CDH12: variants seen among roughly 807,000 people sequenced by gnomAD.
CDH12 encodes the protein cadherin 12, also known as cadherin-12.
CDH12 carries 41 observed loss-of-function variants against 74.1 expected under a neutral mutation model. The observed-to-expected ratio is 0.55, with a 90% CI of 0.43 to 0.72. CDH12 has a LOEUF of 0.72. Ranked by LOEUF, CDH12 falls within the 30% of genes least tolerant of loss-of-function variation. CDH12 has a pLI of 0.00. For missense variants in CDH12, 945 were observed against 977.2 expected, an observed-to-expected ratio of 0.97 and a Z score of 0.44; for synonymous variants, 399 against 355.0, an observed-to-expected ratio of 1.12 and a Z score of -1.39.
Position 22,698,122 on chromosome 5 carries a change from C to CTTT in CDH12, c.-523+154933_-523+154935dup, listed in dbSNP as rs10677695. ...CCTTAATGCCCGCATAAAGGCAGGG[C>CTTT]TTTTTTTTTTTTTTTTGAGATGGAG... On this transcript the variant is annotated intron_variant, in intron 1 of 14. Transcript: ENST00000382254. 4.8e-4 allele frequency among the ~76,000 whole-genome samples: 44 copies of CTTT among 91,182 alleles called. 1 individual carries two copies. Among genetic ancestry groups the CTTT allele is most frequent in the African/African-American group, 1.6e-3 (38 of 23,378 alleles). 59.8% of individuals were successfully genotyped at this position (91,182 alleles called of 152,430 possible). A position where few individuals can be genotyped will look rare whatever the true frequency, so the allele number is the denominator to read the frequency against.
Position 21,799,868 on chromosome 5 carries a change from C to A in CDH12, c.1256+2299G>T, listed in dbSNP as rs986791503. 3.3e-5 allele frequency among the ~76,000 whole-genome samples: 5 copies of A among 152,272 alleles called. 1 individual carries two copies. The highest frequency in any genetic ancestry group is 3.3e-4 in the Admixed American group (5 of 15,290). On this transcript the variant is annotated intron_variant, in intron 10 of 14. Coordinates refer to ENST00000382254, the MANE Select transcript of CDH12 (RefSeq NM_004061.5). ...TGACCACTGCACATGAGTGAGGACA[C>A]TGCAGAGAACCACAGCATGGGTGGT...
intron 6 of CDH12, among the ~76,000 whole-genome samples, chr5:21,863,159 T>C (rs6452010): frequency 0.96 from 146,352 of 152,198 alleles, 70,591 homozygotes; most frequent in Non-Finnish European, 1. Context: ...ATGTGCCTTG[T>C]AGATTAGATT....
intron 6 of CDH12, among the ~76,000 whole-genome samples, chr5:21,952,207 G>T (rs1187838346): frequency 6.6e-6 from 1 of 152,132 alleles, no homozygotes. Context: ...ACTCGCAGTT[G>T]AGAGTCCCTG....
intron 1 of CDH12, among the ~76,000 whole-genome samples, chr5:22,828,623 A>G (rs1313093100): frequency 1.3e-5 from 2 of 152,308 alleles, no homozygotes; most frequent in African/African-American, 4.8e-5. Flanking sequence ...AAATATTTAT[A>G]GTGATCATTA....
chr5:21,751,709 C>A lies in CDH12; in HGVS notation c.*28G>T. ...TTTCTTTTTTAAAAATCTCCCCTCT[C>A]GGTTGTATTTTAGCCTCCACGACTC... is the stretch of plus-strand genomic sequence containing the variant. On this transcript the variant is annotated 3_prime_UTR_variant, in exon 15 of 15. Transcript: ENST00000382254. The A allele has an allele frequency of 6.4e-7, 1 of 1,563,804 alleles. No individual in the cohort carries two copies. The highest frequency in any genetic ancestry group is 1.2e-5 in the South Asian group (1 of 83,826).
At chr5:22,321,771 A>G (rs796734333) in intron 3 of CDH12, among the ~76,000 whole-genome samples, 11 of 152,292 alleles carry the variant, frequency 7.2e-5, no homozygotes, top group African/African-American at 2.6e-4. Context: ...GTAATATCTT[A>G]GTGCAGACCT....
chr5:21,794,755 C>T (rs184302058), intron 10 of CDH12, among the ~76,000 whole-genome samples: 384 of 151,610 alleles, frequency 2.5e-3, no homozygotes, highest in African/African-American at 9.0e-3. Flanking sequence ...TAGCAGTTGC[C>T]TTCACTTAGA....
intron 2 of CDH12, among the ~76,000 whole-genome samples, chr5:22,428,579 G>C (rs1744039559): frequency 6.6e-6 from 1 of 152,102 alleles, no homozygotes; most frequent in South Asian, 2.1e-4. Context: ...CAACGACAGT[G>C]ATATAAATAC....
chr5:21,891,057 G>A (rs1752875959), intron 6 of CDH12, among the ~76,000 whole-genome samples: 1 of 152,000 alleles, frequency 6.6e-6, no homozygotes, highest in Admixed American at 6.6e-5. Flanking sequence ...TTTATGATAT[G>A]TCAATATATC....
At chr5:22,391,564 C>T (rs889275928) in intron 3 of CDH12, among the ~76,000 whole-genome samples, 5 of 151,732 alleles carry the variant, frequency 3.3e-5, no homozygotes, top group African/African-American at 9.7e-5. Flanking sequence ...TATGCCAATA[C>T]GTTAAGTATT....
chr5:22,105,301 G>C (rs1744369007), intron 4 of CDH12, among the ~76,000 whole-genome samples: 1 of 151,204 alleles, frequency 6.6e-6, no homozygotes, highest in Non-Finnish European at 1.5e-5. Context: ...CACCATGTTG[G>C]CCAGGATGGT....
chr5:22,412,973 A>G (rs911928437), intron 2 of CDH12, among the ~76,000 whole-genome samples: 1 of 151,938 alleles, frequency 6.6e-6, no homozygotes, highest in African/African-American at 2.4e-5. Context: ...CTTCCAGCCT[A>G]TGTTACTATG....
chr5:22,238,299 CT>C (rs1229047173), intron 3 of CDH12, among the ~76,000 whole-genome samples: 1 of 152,166 alleles, frequency 6.6e-6, no homozygotes, highest in Non-Finnish European at 1.5e-5. Context: ...GTGTAATACA[CT>C]GAGTTTTCTT....
intron 6 of CDH12, chr5:21,883,434 G>A: frequency 1.9e-6 from 3 of 1,594,114 alleles, no homozygotes; most frequent in Non-Finnish European, 2.6e-6. Flanking sequence ...TGATGGAGAA[G>A]CTCTAAGTAC....
At chr5:22,317,341 C>T (rs1738677024) in intron 3 of CDH12, among the ~76,000 whole-genome samples, 1 of 151,632 alleles carries the variant, frequency 6.6e-6, no homozygotes, top group South Asian at 2.1e-4. Flanking sequence ...AAAAATTAAG[C>T]CTAAAATATT....
chr5:22,672,736 C>T (rs1740970043), intron 1 of CDH12, among the ~76,000 whole-genome samples: 1 of 152,110 alleles, frequency 6.6e-6, no homozygotes, highest in African/African-American at 2.4e-5. Context: ...ATGTTGGAAG[C>T]CAGATGCATG....
chr5:22,680,534 C>T (rs1029245117), intron 1 of CDH12, among the ~76,000 whole-genome samples: 1 of 152,032 alleles, frequency 6.6e-6, no homozygotes. Context: ...TGCCCGAAGA[C>T]ACAAGCTGGA....
intron 1 of CDH12, among the ~76,000 whole-genome samples, chr5:22,515,919 A>G (rs1242096849): frequency 6.6e-6 from 1 of 152,110 alleles, no homozygotes; most frequent in East Asian, 1.9e-4. Context: ...ACATATAAAA[A>G]CTTTATAGGA....
chr5:21,764,955 A>C (rs1415116386), intron 12 of CDH12, 23 bp downstream of exon 12: 2 of 1,612,764 alleles, frequency 1.2e-6, no homozygotes, highest in Non-Finnish European at 1.7e-6. Context: ...TTATACACTC[A>C]AGGAACAATA....
Sources: allele counts gnomAD v4.1 joint callset (sites outside exome capture counted in the v4.1 genomes callset), GRCh38; gene constraint gnomAD v4.1.1; transcripts MANE v1.5; gene names NCBI Gene and HGNC (gene_info 2026-07-23, HGNC 2026-07-21).